The following RASAL2 variants were observed in gnomAD, a reference collection of about 807,000 sequenced individuals.
The protein encoded by RASAL2 is ras GTPase-activating protein nGAP.
RASAL2 carries 58 observed loss-of-function variants against 128.9 expected under a neutral mutation model. The observed-to-expected ratio is 0.45, with a 90% CI of 0.36 to 0.56. The LOEUF is 0.56. Ranked by LOEUF, RASAL2 falls within the 20% of genes least tolerant of loss-of-function variation. RASAL2 has a pLI of 0.00. For synonymous variants in RASAL2, 561 were observed against 580.8 expected (o/e 0.97, Z 0.49); for missense variants, 1,360 against 1,601.6 (o/e 0.85, Z 2.57).
intron 1 of RASAL2, among the ~76,000 whole-genome samples, chr1:178,168,103 G>A (rs1661578923): frequency 6.6e-6 from 1 of 152,020 alleles, no homozygotes; most frequent in South Asian, 2.1e-4. Flanking sequence ...TGGCAAAACA[G>A]GCAGAAAATT....
In RASAL2 at chr1:178,152,596, C is replaced by T. The variant is rs766603201; in HGVS notation, c.202+57902C>T. Among the ~76,000 whole-genome samples, 27 of 151,840 alleles carry T rather than the reference C, an allele frequency of 1.8e-4. 1 individual carries two copies. Among genetic ancestry groups the T allele is most frequent in the East Asian group, 1.9e-4 (1 of 5,164 alleles). On this transcript the variant is annotated intron_variant, in intron 1 of 17. Transcript: ENST00000367649. ...AGGAGAATCACTTGAGCCTGGGAGG[C>T]GGAGGTTGCAGTGAGCCGAGATTGG...
At chr1:178,265,567 A>G (rs1390850524) in intron 1 of RASAL2, among the ~76,000 whole-genome samples, 3 of 152,224 alleles carry the variant, frequency 2.0e-5, no homozygotes, top group Non-Finnish European at 4.4e-5. Context: ...TTCATAGATG[A>G]GGAGATTGAG....
At chr1:178,246,360 TC>T (rs1252398540) in intron 1 of RASAL2, among the ~76,000 whole-genome samples, 3 of 152,198 alleles carry the variant, frequency 2.0e-5, no homozygotes, top group Non-Finnish European at 4.4e-5. Context: ...AGGATTTGAC[TC>T]TCTGCTTGTC....
rs559098151 is a variant in RASAL2 at position 178,214,086 on chromosome 1, C to A, written c.203-69478C>A. ...CCTGGACAACATCTTGAGACTACCT[C>A]TACAAAAGCAAGACAAGACAAAACA... On this transcript the variant is annotated intron_variant, in intron 1 of 17. Transcript: ENST00000367649. Among the ~76,000 whole-genome samples the A allele has an allele frequency of 3.9e-5, 6 of 152,058 alleles. No homozygotes were observed. In the South Asian group the frequency reaches 1.2e-3, roughly 32 times the overall value.
At chr1:178,158,722 A>G (rs933055456) in intron 1 of RASAL2, among the ~76,000 whole-genome samples, 1 of 152,168 alleles carries the variant, frequency 6.6e-6, no homozygotes, top group African/African-American at 2.4e-5. Context: ...TTGATCTCTC[A>G]TGTTTTCTTC....
At chr1:178,117,963 G>A (rs993919722) in intron 1 of RASAL2, among the ~76,000 whole-genome samples, 9 of 152,022 alleles carry the variant, frequency 5.9e-5, no homozygotes, top group Admixed American at 1.3e-4. Context: ...TCACGAGTTC[G>A]AGACCAGCCT....
intron 1 of RASAL2, among the ~76,000 whole-genome samples, chr1:178,161,902 C>G (rs1236575446): frequency 2.0e-5 from 3 of 151,868 alleles, no homozygotes; most frequent in Admixed American, 2.0e-4. Flanking sequence ...TATTCAGATT[C>G]TTTGCCATAT....
chr1:178,134,010 A>G (rs762072119), intron 1 of RASAL2, among the ~76,000 whole-genome samples: 28 of 152,160 alleles, frequency 1.8e-4, no homozygotes, highest in Non-Finnish European at 3.4e-4. Flanking sequence ...AGATACTTAA[A>G]TTTTTTATCT....
chr1:178,431,135 A>G (rs1675866578), intron 5 of RASAL2, among the ~76,000 whole-genome samples: 1 of 152,084 alleles, frequency 6.6e-6, no homozygotes, highest in Non-Finnish European at 1.5e-5. Context: ...CTTATTTCTT[A>G]TGATCTTGGA....
At chr1:178,205,214 A>C (rs1662998540) in intron 1 of RASAL2, among the ~76,000 whole-genome samples, 1 of 151,934 alleles carries the variant, frequency 6.6e-6, no homozygotes, top group Non-Finnish European at 1.5e-5. Context: ...CATGTTGGCC[A>C]GGCTGGTCTT....
At chr1:178,320,591 G>A (rs1571851862) in intron 3 of RASAL2, among the ~76,000 whole-genome samples, 2 of 152,150 alleles carry the variant, frequency 1.3e-5, no homozygotes, top group East Asian at 1.9e-4. Flanking sequence ...TTGACTGGGA[G>A]AGGGAACTCC....
At chr1:178,110,488 G>C (rs897409103) in intron 1 of RASAL2, among the ~76,000 whole-genome samples, 28 of 145,402 alleles carry the variant, frequency 1.9e-4, no homozygotes, top group Non-Finnish European at 3.0e-4. Context: ...TATTTATACA[G>C]TGTATATATA....
intron 3 of RASAL2, among the ~76,000 whole-genome samples, chr1:178,386,420 A>G (rs566643213): frequency 6.6e-6 from 1 of 152,310 alleles, no homozygotes; most frequent in South Asian, 2.1e-4. Context: ...AGAATCGTAC[A>G]TATCATTGGT....
At chr1:178,260,822 C>T (rs1198890925) in intron 1 of RASAL2, among the ~76,000 whole-genome samples, 1 of 152,094 alleles carries the variant, frequency 6.6e-6, no homozygotes, top group Non-Finnish European at 1.5e-5. Flanking sequence ...CTTCAACATG[C>T]CCACTTACTT....
intron 1 of RASAL2, among the ~76,000 whole-genome samples, chr1:178,225,172 T>G (rs1663743168): frequency 6.6e-6 from 1 of 152,076 alleles, no homozygotes; most frequent in African/African-American, 2.4e-5. Flanking sequence ...TCTAGTTCTC[T>G]GTTCTATAAT....
intron 1 of RASAL2, among the ~76,000 whole-genome samples, chr1:178,170,657 CTATT>C (rs1661675798): frequency 6.6e-6 from 1 of 151,474 alleles, no homozygotes; most frequent in South Asian, 2.1e-4. Context: ...GAAGGACATT[CTATT>C]TATTCATATT....
At chr1:178,381,796 G>T (rs1202083396) in intron 3 of RASAL2, among the ~76,000 whole-genome samples, 1 of 151,874 alleles carries the variant, frequency 6.6e-6, no homozygotes, top group Non-Finnish European at 1.5e-5. Context: ...TACAGAAAAA[G>T]TTATATATGA....
chr1:178,185,651 A>G (rs1662266601), intron 1 of RASAL2, among the ~76,000 whole-genome samples: 1 of 151,882 alleles, frequency 6.6e-6, no homozygotes, highest in Non-Finnish European at 1.5e-5. Context: ...ATATGATTAT[A>G]TGATTTTTCT....
At chr1:178,369,958 A>T (rs1251016077) in intron 3 of RASAL2, among the ~76,000 whole-genome samples, 3 of 152,210 alleles carry the variant, frequency 2.0e-5, no homozygotes, top group African/African-American at 7.2e-5. Context: ...CTACTTTAAG[A>T]TGTCAGGGAA....
Sources: gnomAD v4.1 joint callset for allele counts (sites outside exome capture counted in the v4.1 genomes callset) on GRCh38, gnomAD v4.1.1 for gene constraint, MANE v1.5 for transcripts, NCBI Gene and HGNC (gene_info 2026-07-23, HGNC 2026-07-21) for gene names.